PRUNE2: variants seen among roughly 807,000 people sequenced by gnomAD.
PRUNE2 encodes protein prune homolog 2.
Under a neutral mutation model 252.0 loss-of-function variants are expected in PRUNE2, and 164 were observed. The observed-to-expected ratio is 0.65, with a 90% CI of 0.57 to 0.74. The LOEUF (loss-of-function observed/expected upper bound fraction) is 0.74. PRUNE2 is among the 30% of genes least tolerant of loss of function. PRUNE2 has a pLI of 0.00. For missense variants in PRUNE2, 3,495 were observed against 3,711.0 expected, an observed-to-expected ratio of 0.94 and a Z score of 1.51; for synonymous variants, 1,292 against 1,350.2, an observed-to-expected ratio of 0.96 and a Z score of 0.94.
At chr9:76,866,522 T>C (rs537913655) in intron 1 of PRUNE2, among the ~76,000 whole-genome samples, 188 of 152,312 alleles carry the variant, frequency 1.2e-3, no homozygotes, top group Non-Finnish European at 2.1e-3. Context: ...ATAAGTAGAA[T>C]GACAACAAGA....
At position 76,624,469 on chromosome 9, in the gene PRUNE2, T is replaced by C; in HGVS notation, c.9171A>G (p.Glu3057=). 2 of 1,430,220 alleles carry C rather than the reference T, an allele frequency of 1.4e-6. No individual in the cohort carries two copies. Among genetic ancestry groups the C allele is most frequent in the Non-Finnish European group, 1.8e-6 (2 of 1,087,096 alleles). 88.6% of individuals were successfully genotyped at this position (1,430,220 alleles called of 1,614,324 possible). The part of the protein sequence containing the change: ...SIIKLDEELR[E]ASEAAKTSCL... Reference sequence around the variant, plus strand: ...AGTCTTACTTAGCTGCCTCTGATGCTTCCCTCAGTTCTTCATCCAGTCTGC... The same window carrying C: ...AGTCTTACTTAGCTGCCTCTGATGCCTCCCTCAGTTCTTCATCCAGTCTGC... The change falls in exon 17 of 19, where the codon GAA becomes GAG. Residue 3057 remains glutamate, a synonymous_variant. Coordinates refer to ENST00000376718, the MANE Select transcript of PRUNE2 (RefSeq NM_015225.3).
intron 6 of PRUNE2, among the ~76,000 whole-genome samples, chr9:76,734,828 G>A (rs865839039): frequency 4.6e-5 from 7 of 152,304 alleles, no homozygotes; most frequent in African/African-American, 1.4e-4. Context: ...TGACCTGAGC[G>A]AGGCTACTCA....
At chr9:76,619,439 C>CT in intron 17 of PRUNE2, 52 bp from the exon 18 acceptor site, 2 of 1,283,858 alleles carry the variant, frequency 1.6e-6, no homozygotes, top group Non-Finnish European at 2.2e-6. Flanking sequence ...ACTGTCACCA[C>CT]TGTGAAAGCA....
chr9:76,698,329 G>T (rs1023343569), intron 9 of PRUNE2, among the ~76,000 whole-genome samples: 3 of 152,182 alleles, frequency 2.0e-5, no homozygotes, highest in African/African-American at 7.2e-5. Context: ...TTACAGGCGT[G>T]AGCCACCGTG....
At chr9:76,628,024 C>T (rs964098586) in intron 16 of PRUNE2, among the ~76,000 whole-genome samples, 12 of 152,124 alleles carry the variant, frequency 7.9e-5, no homozygotes, top group Admixed American at 2.0e-4. Flanking sequence ...ACGAGAGGTA[C>T]ATTTTGCTAT....
chr9:76,803,743 G>A (rs943395616), intron 6 of PRUNE2, among the ~76,000 whole-genome samples: 2 of 152,078 alleles, frequency 1.3e-5, no homozygotes, highest in Non-Finnish European at 2.9e-5. Flanking sequence ...TGACCCACTT[G>A]GGTTGGTGCA....
At chr9:76,681,310 G>A (rs2043401811) in intron 9 of PRUNE2, among the ~76,000 whole-genome samples, 1 of 152,092 alleles carries the variant, frequency 6.6e-6, no homozygotes, top group Non-Finnish European at 1.5e-5. Flanking sequence ...TTGTTTAATG[G>A]GTATTGAGTT....
intron 6 of PRUNE2, among the ~76,000 whole-genome samples, chr9:76,732,557 T>A (rs1162404831): frequency 6.6e-6 from 1 of 152,230 alleles, no homozygotes; most frequent in Non-Finnish European, 1.5e-5. Context: ...GGGGCAAAGA[T>A]GAGCAGCCCA....
At chr9:76,693,772 G>A (rs1487593136) in intron 9 of PRUNE2, among the ~76,000 whole-genome samples, 1 of 152,160 alleles carries the variant, frequency 6.6e-6, no homozygotes, top group Admixed American at 6.5e-5. Flanking sequence ...AAGAAAGGGA[G>A]TAGATGAAGA....
chr9:76,634,624 G>T (rs1268294521), intron 15 of PRUNE2, among the ~76,000 whole-genome samples: 14 of 152,148 alleles, frequency 9.2e-5, no homozygotes, highest in Admixed American at 7.2e-4. Context: ...ACATCACCTT[G>T]CTTTTCTCTG....
chr9:76,838,129 G>A (rs1018954400), intron 4 of PRUNE2, among the ~76,000 whole-genome samples: 1 of 150,288 alleles, frequency 6.7e-6, no homozygotes, highest in Non-Finnish European at 1.5e-5. Flanking sequence ...ATTCCTTTCT[G>A]TACTAGTTTT....
At chr9:76,784,050 C>T (rs925616468) in intron 6 of PRUNE2, 3 of 152,192 alleles carry the variant, frequency 2.0e-5, no homozygotes, top group African/African-American at 7.2e-5. Context: ...GATTTATCCT[C>T]ACGGAGTCTG....
intron 1 of PRUNE2, among the ~76,000 whole-genome samples, chr9:76,875,563 A>G (rs1294869792): frequency 1.3e-5 from 2 of 151,952 alleles, no homozygotes; most frequent in Non-Finnish European, 2.9e-5. Context: ...ACGGGGTTTC[A>G]CCATATTGGC....
chr9:76,697,798 A>T (rs1287902129), intron 9 of PRUNE2, among the ~76,000 whole-genome samples: 1 of 152,162 alleles, frequency 6.6e-6, no homozygotes, highest in Non-Finnish European at 1.5e-5. Flanking sequence ...TTCATGTGTT[A>T]AGTCAGTTTG....
chr9:76,693,777 T>C (rs556725), intron 9 of PRUNE2, among the ~76,000 whole-genome samples: 116,319 of 151,606 alleles, frequency 0.77, 44,792 homozygotes, highest in East Asian at 0.94. Context: ...AGGGAGTAGA[T>C]GAAGAAGGTG....
rs545142853 is a variant in PRUNE2 at position 76,637,461 on chromosome 9, C to G, written c.8920G>C (p.Gly2974Arg). 1 of 1,613,712 alleles carries G rather than the reference C, an allele frequency of 6.2e-7. No homozygotes were observed. The change falls in exon 14 of 19, where the codon GGG becomes CGG. Residue 2974 changes from glycine (G) to arginine (R), a missense_variant. Physicochemically the swap from Gly to Arg is moderately radical, Grantham distance 125. Coordinates refer to ENST00000376718, the MANE Select transcript of PRUNE2 (RefSeq NM_015225.3). ...TAGCATTTCTTCATCCAGCCTAGCC[C>G]TGGCATCCTCCTTCTTGGGGTTGCA... ...NGATPRRRMP[G>R]LGWMKKCYQM...
chr9:76,754,428 T>A (rs1210711908), intron 6 of PRUNE2, among the ~76,000 whole-genome samples: 1 of 152,204 alleles, frequency 6.6e-6, no homozygotes, highest in Non-Finnish European at 1.5e-5. Flanking sequence ...TCCTAATGAA[T>A]CATCTATCCA....
chr9:76,796,707 G>A (rs1199285822), intron 6 of PRUNE2, among the ~76,000 whole-genome samples: 2 of 152,174 alleles, frequency 1.3e-5, no homozygotes, highest in Non-Finnish European at 2.9e-5. Context: ...TTCTAGGTAT[G>A]TCTCTGATGG....
At chr9:76,876,021 A>C (rs922899831) in intron 1 of PRUNE2, among the ~76,000 whole-genome samples, 11 of 152,206 alleles carry the variant, frequency 7.2e-5, no homozygotes, top group Non-Finnish European at 1.6e-4. Context: ...TGCAATACGC[A>C]CAAACATTTA....
Sources: gnomAD v4.1 joint callset for allele counts (sites outside exome capture counted in the v4.1 genomes callset) on GRCh38, gnomAD v4.1.1 for gene constraint, MANE v1.5 for transcripts, NCBI Gene and HGNC (gene_info 2026-07-23, HGNC 2026-07-21) for gene names.